Variants in DYNC1LI2 observed in about 807,000 individuals in gnomAD.
DYNC1LI2 encodes the protein cytoplasmic dynein 1 light intermediate chain 2.
In DYNC1LI2, 19 loss-of-function variants were observed where a neutral mutation model predicts 57.8. The ratio of observed to expected loss-of-function variants is 0.33; its 90% CI spans 0.23 to 0.48. DYNC1LI2 has a LOEUF of 0.48. Ranked by LOEUF, DYNC1LI2 falls within the 20% of genes least tolerant of loss-of-function variation. DYNC1LI2 has a pLI of 0.99. For missense variants in DYNC1LI2, 470 were observed against 604.2 expected (o/e 0.78, Z 2.33); for synonymous variants, 256 against 233.4 (o/e 1.10, Z -0.88).
chr16:66,726,182 C>T (rs547330156), intron 11 of DYNC1LI2, among the ~76,000 whole-genome samples: 19 of 152,180 alleles, frequency 1.2e-4, no homozygotes, highest in Non-Finnish European at 2.4e-4. Context: ...AACCTGTGCT[C>T]CACACCACCT....
chr16:66,738,941 T>G (rs901362735), intron 4 of DYNC1LI2: 1 of 142,270 alleles, frequency 7.0e-6, no homozygotes, highest in Non-Finnish European at 1.5e-5. Context: ...ACACAAATAC[T>G]TCACTGTTAA....
rs1597001929 is a variant in DYNC1LI2, at chr16:66,751,396, C to A, written c.108-50G>T. On this transcript the variant is annotated intron_variant, in intron 1 of 12. Transcript: ENST00000258198. The surrounding 1 kb of genome is among the most constrained non-coding windows in gnomAD (Gnocchi z 5.2). ...TCAGCCCCGGGCCGGGCTGGGATGG[C>A]CCGGCTCGCGTCGGCCCCTCAGTGT... 1 of 1,598,282 alleles carries A rather than the reference C, an allele frequency of 6.3e-7. No homozygotes were observed. The highest frequency in any genetic ancestry group is 2.3e-5 in the East Asian group (1 of 43,096).
intron 4 of DYNC1LI2, among the ~76,000 whole-genome samples, chr16:66,740,619 A>T (rs2017819622): frequency 6.6e-6 from 1 of 152,180 alleles, no homozygotes; most frequent in African/African-American, 2.4e-5. Context: ...TGATATTTAG[A>T]ACACATGGCA....
intron 12 of DYNC1LI2, among the ~76,000 whole-genome samples, chr16:66,725,325 CA>C (rs1264618796): frequency 6.7e-6 from 1 of 149,264 alleles, no homozygotes; most frequent in Non-Finnish European, 1.5e-5. Context: ...ACTAAAAATA[CA>C]AAAAATTAGC....
chr16:66,743,161 CAAAACAAAAACA>C lies in DYNC1LI2; in HGVS notation c.299-505_299-494del, dbSNP rs570073324. ...TGGGCAACAGAATGAGAGTCCATCT[CAAAACAAAAACA>C]AAAACAAAAACAAAAACAAAACAAA... On this transcript the variant is annotated intron_variant, in intron 3 of 12. Coordinates refer to ENST00000258198, the MANE Select transcript of DYNC1LI2 (RefSeq NM_006141.3). Among the ~76,000 whole-genome samples the C allele has an allele frequency of 4.4e-4, 65 of 148,072 alleles. No individual in the cohort carries two copies. The East Asian group carries it at 4.8e-3, about 11-fold the overall frequency.
Position 66,734,223 on chromosome 16 carries a change from A to T in DYNC1LI2, c.788T>A (p.Leu263His). ...FIQSHLRRFCLQYGAALIYTS... is the reference protein window; with the variant it reads ...FIQSHLRRFCHQYGAALIYTS... ...ACACAGCGCCCAAAGGATACACTGA[A>T]GGCAGAACCTCCGCAGGTGTGACTG... The change falls in exon 6 of 13, where the codon CTT (leucine) becomes CAT (histidine). Residue 263 changes from leucine to histidine, a missense_variant. Transcript: ENST00000258198. The T allele has an allele frequency of 6.2e-7, 1 of 1,614,116 alleles. No homozygotes were observed. Among genetic ancestry groups the T allele is most frequent in the South Asian group, 1.1e-5 (1 of 91,062 alleles).
intron 4 of DYNC1LI2, 86 bp downstream of exon 4, chr16:66,742,351 GC>G: frequency 7.5e-7 from 1 of 1,335,780 alleles, no homozygotes; most frequent in Non-Finnish European, 1.0e-6. Context: ...AGCAAGGGAA[GC>G]CTCTAGGATT....
chr16:66,728,284 A>G (rs1462635243), intron 9 of DYNC1LI2, 42 bp from the exon 10 acceptor site: 3 of 1,612,438 alleles, frequency 1.9e-6, no homozygotes, highest in Non-Finnish European at 2.5e-6. Context: ...CAAGGCCTGC[A>G]GAGAGCACTG....
intron 4 of DYNC1LI2, among the ~76,000 whole-genome samples, chr16:66,736,751 T>C (rs1312244171): frequency 1.3e-5 from 2 of 152,202 alleles, no homozygotes; most frequent in African/African-American, 4.8e-5. Flanking sequence ...CTACCTCGGC[T>C]TTCCAAAGTG....
chr16:66,732,419 C>T lies in DYNC1LI2; in HGVS notation c.849G>A (p.Leu283=), dbSNP rs190792545. ...SVKEEKNLDL[L]YKYIVHKTYG... is the part of the protein sequence containing the mutation. The stretch of plus-strand genomic sequence containing the variant: ...ATGTTTTATGAACAATATACTTATA[C>T]AACAAGTCGAGGTTTTTCTCTTCTT... Residue 283 remains leucine (L), a synonymous_variant, in exon 7 of 13, where the codon TTG becomes TTA. Coordinates refer to ENST00000258198, the MANE Select transcript of DYNC1LI2 (RefSeq NM_006141.3). 42 of 1,613,852 alleles carry T rather than the reference C, an allele frequency of 2.6e-5. No individual in the cohort carries two copies. The Admixed American group carries it at 3.3e-4, about 13-fold the overall frequency.
chr16:66,723,569 G>C lies in DYNC1LI2; in HGVS notation c.*153C>G. The C allele has an allele frequency of 1.5e-6, 1 of 677,570 alleles. No individual in the cohort carries two copies. 42.0% of individuals were successfully genotyped at this position (677,570 alleles called of 1,614,324 possible). A position where few individuals can be genotyped will look rare whatever the true frequency, so the allele number is the denominator to read the frequency against. The stretch of plus-strand genomic sequence containing the variant: ...CTTCCTAAATGTGCATTTCACACTC[G>C]GACAAGCCAATGAAGTTTTTTTTTT... On this transcript the variant is annotated 3_prime_UTR_variant, in exon 13 of 13. Transcript: ENST00000258198.
chr16:66,744,717 G>A (rs1035001330), intron 3 of DYNC1LI2, among the ~76,000 whole-genome samples: 2 of 151,978 alleles, frequency 1.3e-5, no homozygotes, highest in African/African-American at 2.4e-5. Flanking sequence ...GTGCCACTAC[G>A]CCTGGCTAAT....
intron 10 of DYNC1LI2, 66 bp downstream of exon 10, chr16:66,728,135 T>A (rs1370019626): frequency 6.3e-7 from 1 of 1,593,902 alleles, no homozygotes; most frequent in East Asian, 2.2e-5. Flanking sequence ...TCACAAATAA[T>A]GGTATAAAGT....
chr16:66,734,062 C>T (rs1325601775), intron 6 of DYNC1LI2, 156 bp downstream of exon 6: 5 of 609,554 alleles, frequency 8.2e-6, no homozygotes, highest in Non-Finnish European at 1.4e-5. Context: ...AAACCTAAAA[C>T]TCCGATACAG....
intron 4 of DYNC1LI2, among the ~76,000 whole-genome samples, chr16:66,737,247 G>A (rs1863192049): frequency 6.6e-6 from 1 of 152,126 alleles, no homozygotes; most frequent in South Asian, 2.1e-4. Context: ...CTGTACTCCA[G>A]TCTGGGCAAC....
intron 4 of DYNC1LI2, chr16:66,738,341 C>A (rs56039309): frequency 6.8e-6 from 1 of 147,356 alleles, no homozygotes; most frequent in Non-Finnish European, 1.5e-5. Context: ...CTCCACCTGC[C>A]GGGTTTAAGT....
At chr16:66,734,636 C>G (rs1277386730) in intron 5 of DYNC1LI2, among the ~76,000 whole-genome samples, 2 of 152,010 alleles carry the variant, frequency 1.3e-5, no homozygotes, top group Non-Finnish European at 2.9e-5. Context: ...TTCTCAAGAA[C>G]AGGATGAGAA....
intron 3 of DYNC1LI2, among the ~76,000 whole-genome samples, chr16:66,747,517 T>C (rs1183180499): frequency 6.6e-6 from 1 of 151,996 alleles, no homozygotes; most frequent in African/African-American, 2.4e-5. Context: ...TAATCGCCCA[T>C]ACATCGTAAT....
At chr16:66,741,629 T>C (rs2017838297) in intron 4 of DYNC1LI2, among the ~76,000 whole-genome samples, 1 of 152,058 alleles carries the variant, frequency 6.6e-6, no homozygotes, top group South Asian at 2.1e-4. Context: ...GGTGATGTCA[T>C]CCTGTGAAAA....
Sources: gnomAD v4.1 joint callset for allele counts (sites outside exome capture counted in the v4.1 genomes callset) on GRCh38, gnomAD v4.1.1 for gene constraint, Gnocchi (gnomAD v3.1) non-coding constraint, MANE v1.5 for transcripts, NCBI Gene and HGNC (gene_info 2026-07-23, HGNC 2026-07-21) for gene names.